STYK1: variants seen among roughly 807,000 people sequenced by gnomAD.
STYK1 encodes STY kinase 1.
STYK1 carries 46 observed loss-of-function variants against 48.1 expected under a neutral mutation model. The ratio of observed to expected loss-of-function variants is 0.96; its 90% CI spans 0.75 to 1.22. The LOEUF is 1.22. Among genes scored for constraint, STYK1 ranks in the 50% most tolerant of loss-of-function variants. STYK1 has a pLI of 0.00. For missense variants in STYK1, 527 were observed against 521.1 expected, an observed-to-expected ratio of 1.01 and a Z score of -0.11; for synonymous variants, 188 against 189.0, an observed-to-expected ratio of 0.99 and a Z score of 0.04.
At position 10,619,938 on chromosome 12, in the gene STYK1, A is replaced by G. The variant is rs111765997; in HGVS notation, c.*206T>C. ...GGATTTCTAGGACTGGGACAGCAGA[A>G]GTGAGACTGACAGTATGTCTTAGCT... is the stretch of plus-strand genomic sequence containing the variant. On this transcript the variant is annotated 3_prime_UTR_variant, in exon 11 of 11. Transcript: ENST00000075503. 7.8e-4 allele frequency: 488 copies of G among 625,406 alleles called. 2 individuals carry two copies. Among genetic ancestry groups the G allele is most frequent in the African/African-American group, 7.1e-3 (389 of 54,522 alleles). The allele number at this position is 625,406 out of a possible 1,614,324, so 38.7% of individuals were successfully genotyped here. A position where few individuals can be genotyped will look rare whatever the true frequency, so the allele number is the denominator to read the frequency against.
In STYK1 at chr12:10,631,058, G is replaced by C. The variant is rs143474286; in HGVS notation, c.438C>G (p.Leu146=). 5.3e-4 allele frequency: 850 copies of C among 1,613,822 alleles called. 4 individuals carry two copies. In the African/African-American group the frequency reaches 8.3e-3, roughly 16 times the overall value. Residue 146 remains leucine, a synonymous_variant, in exon 5 of 11, where the codon CTC becomes CTG. Coordinates refer to ENST00000075503, the MANE Select transcript of STYK1 (RefSeq NM_018423.3). ...TTCTTGTTTTACCTTTTAAAGCCTT[G>C]AGAATAACACTCTTGGGCTTAGAAG... ...GDPSKPKSVI[L]KALKEPAGLH... is the part of the protein sequence containing the mutation.
chr12:10,623,431 A>G (rs1338564632), intron 8 of STYK1, among the ~76,000 whole-genome samples: 1 of 152,204 alleles, frequency 6.6e-6, no homozygotes, highest in Non-Finnish European at 1.5e-5. Context: ...CACTTCTCCA[A>G]GCAATTGAGT....
At chr12:10,652,953 T>C (rs1221318771) in intron 1 of STYK1, among the ~76,000 whole-genome samples, 2 of 152,210 alleles carry the variant, frequency 1.3e-5, no homozygotes, top group Non-Finnish European at 2.9e-5. Context: ...CTAGGAGAAA[T>C]GCTTGGTGAA....
intron 6 of STYK1, among the ~76,000 whole-genome samples, chr12:10,628,045 T>C (rs1207078574): frequency 6.6e-6 from 1 of 152,268 alleles, no homozygotes; most frequent in Non-Finnish European, 1.5e-5. Flanking sequence ...AGCACACATG[T>C]GTTCATGATT....
At chr12:10,652,899 T>G (rs933954780) in intron 1 of STYK1, among the ~76,000 whole-genome samples, 2 of 152,172 alleles carry the variant, frequency 1.3e-5, no homozygotes, top group Non-Finnish European at 2.9e-5. Context: ...CGCTCTGAAA[T>G]TCATCTTGTT....
intron 1 of STYK1, among the ~76,000 whole-genome samples, chr12:10,668,357 G>A (rs1370654987): frequency 6.6e-6 from 1 of 151,410 alleles, no homozygotes; most frequent in Non-Finnish European, 1.5e-5. Context: ...TGCTGCTGCT[G>A]CTGTTTTTTC....
rs868657039 is a variant in STYK1 at position 10,624,823 on chromosome 12, C to T, written c.754G>A (p.Val252Met). The change falls in exon 8 of 11, where the codon GTG (valine) becomes ATG (methionine). Residue 252 changes from valine to methionine, a missense_variant. Coordinates refer to ENST00000075503, the MANE Select transcript of STYK1 (RefSeq NM_018423.3). ...TGCATCAGAATATTCCTGGCTGCCA[C>T]ATCCCCATGGAACAAATGCTTCTCC... is the stretch of plus-strand genomic sequence containing the variant. The part of the protein sequence containing the change: ...LQEKHLFHGD[V>M]AARNILMQSD... 6.2e-7 allele frequency: 1 copy of T among 1,614,170 alleles called. No individual in the cohort carries two copies. Among genetic ancestry groups the T allele is most frequent in the Non-Finnish European group, 8.5e-7 (1 of 1,180,016 alleles).
chr12:10,638,110 A>G (rs1454861668), intron 1 of STYK1, among the ~76,000 whole-genome samples: 4 of 152,226 alleles, frequency 2.6e-5, no homozygotes, highest in Non-Finnish European at 4.4e-5. Context: ...AATGAAATCC[A>G]TGGCATTGGA....
At chr12:10,632,140 C>A (rs1298278217) in intron 4 of STYK1, among the ~76,000 whole-genome samples, 1 of 151,394 alleles carries the variant, frequency 6.6e-6, no homozygotes, top group Non-Finnish European at 1.5e-5. Flanking sequence ...TCTCCTGAGC[C>A]CAGGAGATCC....
chr12:10,645,113 T>C (rs1406330942), intron 1 of STYK1, among the ~76,000 whole-genome samples: 1 of 152,026 alleles, frequency 6.6e-6, no homozygotes, highest in African/African-American at 2.4e-5. Context: ...GTTTGTGCTG[T>C]TGTGGAAGCA....
chr12:10,671,208 A>G (rs1217829684), intron 1 of STYK1, among the ~76,000 whole-genome samples: 1 of 151,838 alleles, frequency 6.6e-6, no homozygotes, highest in Non-Finnish European at 1.5e-5. Flanking sequence ...GTTAGCCAGG[A>G]TGGTCTCGAT....
In STYK1 at chr12:10,661,592, A is replaced by G. The variant is rs370960072; in HGVS notation, c.-195+12374T>C. The stretch of plus-strand genomic sequence containing the variant: ...GCACCGGTTATAACAGCAAACATTT[A>G]TATAGTGGTAGTCATGTGTTAGGCA... On this transcript the variant is annotated intron_variant, in intron 1 of 10. Coordinates refer to ENST00000075503, the MANE Select transcript of STYK1 (RefSeq NM_018423.3). Among the ~76,000 whole-genome samples, 349 of 152,380 alleles carry G rather than the reference A, an allele frequency of 2.3e-3. 21 individuals are homozygous for G. In the South Asian group the frequency reaches 0.067, roughly 29 times the overall value.
chr12:10,649,487 T>TA (rs1323133185), intron 1 of STYK1, among the ~76,000 whole-genome samples: 1 of 152,196 alleles, frequency 6.6e-6, no homozygotes, highest in Non-Finnish European at 1.5e-5. Context: ...ATGAGGTATA[T>TA]ATGGCAAGAG....
rs536728051 is a variant in STYK1 at position 10,668,382 on chromosome 12, C to CT, written c.-195+5583dup. Reference sequence around the variant, plus strand: ...GCTGTTTTTTCTTCTACTTCTTCTTCTTTTTTTTTTTAGACAGAGTTTCAC... The same window carrying CT: ...GCTGTTTTTTCTTCTACTTCTTCTTCTTTTTTTTTTTTAGACAGAGTTTCAC... On this transcript the variant is annotated intron_variant, in intron 1 of 10. Coordinates refer to ENST00000075503, the MANE Select transcript of STYK1 (RefSeq NM_018423.3). Among the ~76,000 whole-genome samples, 700 of 143,186 alleles carry CT rather than the reference C, an allele frequency of 4.9e-3. 6 individuals are homozygous for CT. The highest frequency in any genetic ancestry group is 0.015 in the African/African-American group (598 of 39,436). 93.9% of individuals were successfully genotyped at this position (143,186 alleles called of 152,430 possible).
chr12:10,647,265 A>G (rs1180471316), intron 1 of STYK1, among the ~76,000 whole-genome samples: 3 of 152,366 alleles, frequency 2.0e-5, no homozygotes, highest in East Asian at 3.9e-4. Context: ...GTCAAGCCTC[A>G]GCAGCAGAGC....
intron 1 of STYK1, among the ~76,000 whole-genome samples, chr12:10,642,395 A>C (rs1947554987): frequency 6.6e-6 from 1 of 152,210 alleles, no homozygotes; most frequent in Non-Finnish European, 1.5e-5. Flanking sequence ...TGCTGATGAT[A>C]ACTACCTACC....
intron 1 of STYK1, among the ~76,000 whole-genome samples, chr12:10,670,513 T>A (rs1947880259): frequency 6.6e-6 from 1 of 151,984 alleles, no homozygotes; most frequent in African/African-American, 2.4e-5. Flanking sequence ...ATATGTAGAA[T>A]CTGAAAAAGT....
At chr12:10,653,486 C>T (rs939679235) in intron 1 of STYK1, among the ~76,000 whole-genome samples, 1 of 152,054 alleles carries the variant, frequency 6.6e-6, no homozygotes, top group Admixed American at 6.6e-5. Flanking sequence ...TATAATGAAA[C>T]TAAGATATAT....
At chr12:10,662,860 C>T (rs1003410167) in intron 1 of STYK1, among the ~76,000 whole-genome samples, 3 of 152,120 alleles carry the variant, frequency 2.0e-5, no homozygotes, top group African/African-American at 4.8e-5. Flanking sequence ...CTAATTTTGA[C>T]AGTTTTGTGT....
Sources: gnomAD v4.1 joint callset for allele counts (sites outside exome capture counted in the v4.1 genomes callset) on GRCh38, gnomAD v4.1.1 for gene constraint, MANE v1.5 for transcripts, NCBI Gene and HGNC (gene_info 2026-07-23, HGNC 2026-07-21) for gene names.